The following ATXN10 variants were observed in gnomAD, a reference collection of about 807,000 sequenced individuals.
The protein encoded by ATXN10 is ataxin-10.
ATXN10 carries 28 observed loss-of-function variants against 52.9 expected under a neutral mutation model. That is an observed-to-expected ratio of 0.53 (90% CI 0.39 to 0.73). The LOEUF (loss-of-function observed/expected upper bound fraction) is 0.73, where lower values mean the gene tolerates loss of function less well. Among genes scored for constraint, ATXN10 ranks in the 30% least tolerant of loss-of-function variants. The pLI is 0.00. For synonymous variants in ATXN10, 226 were observed against 221.5 expected, an observed-to-expected ratio of 1.02 and a Z score of -0.18; for missense variants, 565 against 577.0, an observed-to-expected ratio of 0.98 and a Z score of 0.21.
At chr22:45,714,241 C>G (rs1484549907) in intron 5 of ATXN10, among the ~76,000 whole-genome samples, 1 of 151,718 alleles carries the variant, frequency 6.6e-6, no homozygotes, top group Non-Finnish European at 1.5e-5. Flanking sequence ...TATGTGTATT[C>G]TAATTTTCTT....
At position 45,729,583 on chromosome 22, in the gene ATXN10, A is replaced by G. The variant is rs760443327; in HGVS notation, c.887A>G (p.Asp296Gly). ...AAGCTGGCCTCTGAGGAGCCTCCTG[A>G]TGATGAGGTAAGGGAGGCAGATTTC... ...VLKLASEEPP[D>G]DEEALATIRL... is the part of the protein sequence containing the mutation. The change falls in exon 7 of 12, where the codon GAT becomes GGT. Residue 296 changes from aspartate to glycine, a missense_variant. By Grantham distance (94) the Asp-to-Gly change is moderately conservative. Transcript: ENST00000252934. 1 of 1,614,134 alleles carries G rather than the reference A, an allele frequency of 6.2e-7. No individual in the cohort carries two copies. The highest frequency in any genetic ancestry group is 8.5e-7 in the Non-Finnish European group (1 of 1,180,012).
intron 10 of ATXN10, among the ~76,000 whole-genome samples, chr22:45,830,463 G>A (rs554736341): frequency 4.5e-4 from 68 of 152,268 alleles, no homozygotes; most frequent in Non-Finnish European, 8.2e-4. Flanking sequence ...TTATTTATTT[G>A]ATAAGGGATA....
At chr22:45,702,646 T>C in intron 4 of ATXN10, 43 bp from the exon 5 acceptor site, 1 of 1,604,942 alleles carries the variant, frequency 6.2e-7, no homozygotes, top group Middle Eastern at 1.7e-4. Flanking sequence ...TGTTTTATCA[T>C]GTTACTAAAT....
In ATXN10 at chr22:45,786,346, C is replaced by G. The variant is rs1371900380; in HGVS notation, c.1174-20613C>G. Among the ~76,000 whole-genome samples the G allele has an allele frequency of 6.6e-6, 1 of 152,200 alleles. No homozygotes were observed. Among genetic ancestry groups the G allele is most frequent in the Non-Finnish European group, 1.5e-5 (1 of 68,044 alleles). ...CCATAGAACTGTAGTATCATTCTCT[C>G]TGGATTCCTTTCTTTTTGGAGGTGT... On this transcript the variant is annotated intron_variant, in intron 9 of 11. Coordinates refer to ENST00000252934, the MANE Select transcript of ATXN10 (RefSeq NM_013236.4). The surrounding 1 kb of genome is among the most constrained non-coding windows in gnomAD (Gnocchi z 4.1).
intron 4 of ATXN10, among the ~76,000 whole-genome samples, chr22:45,702,283 A>G (rs983803291): frequency 1.3e-5 from 2 of 152,184 alleles, no homozygotes; most frequent in Non-Finnish European, 2.9e-5. Flanking sequence ...TTGCCCCACT[A>G]TACCATCTCT....
chr22:45,723,153 A>ATG (rs1032393717), intron 6 of ATXN10, among the ~76,000 whole-genome samples: 15 of 151,144 alleles, frequency 9.9e-5, no homozygotes, highest in East Asian at 3.9e-4. Context: ...ATATATATAT[A>ATG]TGTGTGTGTG....
intron 9 of ATXN10, among the ~76,000 whole-genome samples, chr22:45,806,106 A>C (rs1378999467): frequency 6.6e-6 from 1 of 152,246 alleles, no homozygotes; most frequent in African/African-American, 2.4e-5. Context: ...AAATGGGGTT[A>C]CTGGGTTATG....
chr22:45,720,362 G>A (rs1924602840), intron 6 of ATXN10, among the ~76,000 whole-genome samples: 1 of 147,954 alleles, frequency 6.8e-6, no homozygotes. Context: ...CTTGCTGTGT[G>A]TTGCCCAACC....
rs549981202 is a variant in ATXN10 at position 45,750,046 on chromosome 22, T to G, written c.1173+9508T>G. ...TGAATCCAGTTTTCCTAACTGCTAC[T>G]CAGTTTTCTTTACTTACGCCATATG... is the stretch of plus-strand genomic sequence containing the variant. On this transcript the variant is annotated intron_variant, in intron 9 of 11. Coordinates refer to ENST00000252934, the MANE Select transcript of ATXN10 (RefSeq NM_013236.4). This position sits in a 1 kb window ranked among gnomAD's most constrained non-coding sequence, Gnocchi z 4.2. Among the ~76,000 whole-genome samples the G allele has an allele frequency of 7.2e-5, 11 of 152,332 alleles. No homozygotes were observed. Among genetic ancestry groups the G allele is most frequent in the African/African-American group, 2.6e-4 (11 of 41,574 alleles).
intron 9 of ATXN10, chr22:45,793,848 GC>G (rs1270376365): frequency 7.8e-7 from 1 of 1,288,510 alleles, no homozygotes; most frequent in Non-Finnish European, 9.9e-7. Context: ...TCAAGGGTGA[GC>G]TGGTGGTGGT....
rs371637106 is a variant in ATXN10, at chr22:45,677,720, A to G, written c.116+5541A>G. 2.0e-5 allele frequency: 3 copies of G among 152,334 alleles called. No individual in the cohort carries two copies. The East Asian group carries it at 5.8e-4, about 29-fold the overall frequency. The allele number at this position is 152,334 out of a possible 1,614,324, so 9.4% of individuals were successfully genotyped here. A position where few individuals can be genotyped will look rare whatever the true frequency, so the allele number is the denominator to read the frequency against. ...ATAAGCGTATGATAAAGTGCTCCAA[A>G]TCACTAGTTATTAGGGAAATGCAGT... On this transcript the variant is annotated intron_variant, in intron 1 of 11. Coordinates refer to ENST00000252934, the MANE Select transcript of ATXN10 (RefSeq NM_013236.4). This position sits in a 1 kb window ranked among gnomAD's most constrained non-coding sequence, Gnocchi z 4.1.
chr22:45,803,452 G>T (rs17653487), intron 9 of ATXN10, among the ~76,000 whole-genome samples: 13,070 of 152,160 alleles, frequency 0.086, 729 homozygotes, highest in Middle Eastern at 0.15. Flanking sequence ...TCTCTTGTGA[G>T]CCCCATGCTA....
chr22:45,680,009 C>T (rs1188176492), intron 1 of ATXN10: 3 of 152,314 alleles, frequency 2.0e-5, no homozygotes, highest in East Asian at 1.9e-4. Flanking sequence ...TTCTTCCAGT[C>T]TTTTGTAGTG....
At chr22:45,798,235 T>G (rs1340341368) in intron 9 of ATXN10, among the ~76,000 whole-genome samples, 1 of 152,216 alleles carries the variant, frequency 6.6e-6, no homozygotes, top group African/African-American at 2.4e-5. Flanking sequence ...ACAAAGTAAC[T>G]ACAGAGCAGT....
In ATXN10 at chr22:45,816,382, C is replaced by T. The variant is rs1161453932; in HGVS notation, c.1237+9360C>T. On this transcript the variant is annotated intron_variant, in intron 10 of 11. Transcript: ENST00000252934. The surrounding 1 kb of genome is among the most constrained non-coding windows in gnomAD (Gnocchi z 5.8). ...ATACCTCTCCCGTTTCCTCTCTTTC[C>T]TCCTTTTAGACTTCGGTCATGTATG... 2.6e-5 allele frequency among the ~76,000 whole-genome samples: 4 copies of T among 152,316 alleles called. No homozygotes were observed. Among genetic ancestry groups the T allele is most frequent in the Admixed American group, 2.0e-4 (3 of 15,308 alleles).
rs1366192698 is a variant in ATXN10 at position 45,842,555 on chromosome 22, A to T, written c.1238-436A>T. Reference sequence around the variant, plus strand: ...CTGATTCTAACCTGACGTCTTTGTGACTGATTCTTTAGTGCTCTTCTTATT... The same window carrying T: ...CTGATTCTAACCTGACGTCTTTGTGTCTGATTCTTTAGTGCTCTTCTTATT... On this transcript the variant is annotated intron_variant, in intron 10 of 11. Coordinates refer to ENST00000252934, the MANE Select transcript of ATXN10 (RefSeq NM_013236.4). The surrounding 1 kb of genome is among the most constrained non-coding windows in gnomAD (Gnocchi z 4.8). Among the ~76,000 whole-genome samples, 2 of 152,184 alleles carry T rather than the reference A, an allele frequency of 1.3e-5. No homozygotes were observed. The highest frequency in any genetic ancestry group is 2.4e-5 in the African/African-American group (1 of 41,432).
chr22:45,694,653 A>G (rs905838503), intron 3 of ATXN10, among the ~76,000 whole-genome samples: 8 of 152,068 alleles, frequency 5.3e-5, no homozygotes, highest in African/African-American at 1.7e-4. Flanking sequence ...GTGATGGCGC[A>G]TGCTTGTGAT....
At chr22:45,803,414 G>T (rs1927991714) in intron 9 of ATXN10, among the ~76,000 whole-genome samples, 1 of 152,068 alleles carries the variant, frequency 6.6e-6, no homozygotes, top group Admixed American at 6.5e-5. Flanking sequence ...CTCATCTTAA[G>T]CTAAATGCCA....
intron 5 of ATXN10, 73 bp downstream of exon 5, chr22:45,702,920 T>C (rs1317838880): frequency 6.3e-7 from 1 of 1,580,370 alleles, no homozygotes; most frequent in African/African-American, 1.3e-5. Context: ...AGGTTTTAAG[T>C]AAAAATTTGG....
Sources: gnomAD v4.1 joint callset for allele counts (sites outside exome capture counted in the v4.1 genomes callset) on GRCh38, gnomAD v4.1.1 for gene constraint, Gnocchi (gnomAD v3.1) non-coding constraint, MANE v1.5 for transcripts, NCBI Gene and HGNC (gene_info 2026-07-23, HGNC 2026-07-21) for gene names.